Variants in PIKFYVE observed in about 807,000 individuals in gnomAD.
The protein encoded by PIKFYVE is phosphoinositide kinase, FYVE-type zinc finger containing, also known as 1-phosphatidylinositol 3-phosphate 5-kinase.
In PIKFYVE, 122 loss-of-function variants were observed where a neutral mutation model predicts 257.9. The ratio of observed to expected loss-of-function variants is 0.47; its 90% CI spans 0.41 to 0.55. PIKFYVE has a LOEUF of 0.55. Ranked by LOEUF, PIKFYVE falls within the 20% of genes least tolerant of loss-of-function variation. The pLI is 0.00. For missense variants in PIKFYVE, 2,160 were observed against 2,536.6 expected (o/e 0.85, Z 3.19); for synonymous variants, 892 against 868.9 (o/e 1.03, Z -0.47).
chr2:208,304,458 T>C (rs1185154836), intron 11 of PIKFYVE, 140 bp downstream of exon 11: 2 of 1,160,320 alleles, frequency 1.7e-6, no homozygotes, highest in Non-Finnish European at 2.5e-6. Flanking sequence ...TAGCAGTCTT[T>C]GTCTTAGATA....
intron 5 of PIKFYVE, 101 bp downstream of exon 5, chr2:208,277,809 T>C: frequency 7.7e-7 from 1 of 1,292,548 alleles, no homozygotes; most frequent in South Asian, 1.2e-5. Context: ...TTGGGTTTTA[T>C]GTGTAAGACA....
At chr2:208,339,684 G>A in intron 30 of PIKFYVE, 129 bp downstream of exon 30, 1 of 1,279,194 alleles carries the variant, frequency 7.8e-7, no homozygotes. Context: ...TTCATGCCTT[G>A]CTTTCTGTTT....
chr2:208,282,324 A>G (rs1838796), intron 5 of PIKFYVE, among the ~76,000 whole-genome samples: 146,219 of 152,324 alleles, frequency 0.96, 70,332 homozygotes, highest in East Asian at 1. Context: ...CTTACCCTTA[A>G]GATTCTGTTG....
In PIKFYVE at chr2:208,314,487, A is replaced by G. The variant is rs1020467625; in HGVS notation, c.1826+64A>G. 20 of 1,508,332 alleles carry G rather than the reference A, an allele frequency of 1.3e-5. No individual in the cohort carries two copies. In the Admixed American group the frequency reaches 2.7e-4, roughly 20 times the overall value. The allele number at this position is 1,508,332 out of a possible 1,614,324, so 93.4% of individuals were successfully genotyped here. A position where few individuals can be genotyped will look rare whatever the true frequency, so the allele number is the denominator to read the frequency against. ...TATTATCTTCAGTGACTTGATAAGCATATGCATCATTCCTCTTAAAAAGGG... is the reference window on the plus strand; with the variant it reads ...TATTATCTTCAGTGACTTGATAAGCGTATGCATCATTCCTCTTAAAAAGGG... On this transcript the variant is annotated intron_variant, in intron 14 of 41. Transcript: ENST00000264380.
chr2:208,314,514 G>GGTCTTT, intron 14 of PIKFYVE, 91 bp downstream of exon 14: 1 of 1,389,390 alleles, frequency 7.2e-7, no homozygotes. Flanking sequence ...TAAAAAGGGA[G>GGTCTTT]GTCTTTTTCT....
At chr2:208,342,853 G>A (rs919504853) in intron 32 of PIKFYVE, among the ~76,000 whole-genome samples, 3 of 142,226 alleles carry the variant, frequency 2.1e-5, no homozygotes, top group African/African-American at 7.7e-5. Flanking sequence ...GGAGTGCAGT[G>A]GTGCAATCTC....
At chr2:208,347,809 C>A (rs1221204534) in intron 34 of PIKFYVE, 50 bp from the exon 35 acceptor site, 1 of 1,498,308 alleles carries the variant, frequency 6.7e-7, no homozygotes, top group Non-Finnish European at 9.1e-7. Context: ...TTTTATTTTT[C>A]ATCTGTAGTG....
chr2:208,275,304 C>G (rs1689959323), intron 3 of PIKFYVE, among the ~76,000 whole-genome samples: 1 of 152,200 alleles, frequency 6.6e-6, no homozygotes. Flanking sequence ...CTCTTGGTTC[C>G]AAGAAGGGTC....
At chr2:208,286,257 T>A (rs574622486) in intron 6 of PIKFYVE, among the ~76,000 whole-genome samples, 30 of 152,350 alleles carry the variant, frequency 2.0e-4, no homozygotes, top group African/African-American at 7.2e-4. Context: ...GATTTTTAAT[T>A]TAATTAATGA....
At chr2:208,304,424 CT>C in intron 11 of PIKFYVE, 106 bp downstream of exon 11, 4 of 1,431,174 alleles carry the variant, frequency 2.8e-6, no homozygotes, top group Middle Eastern at 2.3e-4. Context: ...TAATTTATGG[CT>C]CCAACTAAAT....
chr2:208,320,249 T>TTAACA lies in PIKFYVE; in HGVS notation c.2083-3_2083-2insTAACA. 1 of 1,610,436 alleles carries TTAACA rather than the reference T, an allele frequency of 6.2e-7. No individual in the cohort carries two copies. The highest frequency in any genetic ancestry group is 8.5e-7 in the Non-Finnish European group (1 of 1,177,898). On this transcript the variant is annotated splice_polypyrimidine_tract_variant and splice_region_variant and intron_variant, in intron 16 of 41. Coordinates refer to ENST00000264380, the MANE Select transcript of PIKFYVE (RefSeq NM_015040.4). ...ACTTTAACAAACTGTTCATTTTTTG[T>TTAACA]AGATGAGTTCTTGTATTAAAAACCC... is the stretch of plus-strand genomic sequence containing the variant.
intron 17 of PIKFYVE, among the ~76,000 whole-genome samples, chr2:208,322,716 C>CT (rs1253056552): frequency 4.0e-5 from 6 of 151,420 alleles, no homozygotes; most frequent in African/African-American, 1.5e-4. Flanking sequence ...TTTTATTACA[C>CT]TTTAAGTTCT....
chr2:208,269,599 C>T lies in PIKFYVE; in HGVS notation c.-9-1912C>T, dbSNP rs1213600210. 3 of 280,484 alleles carry T rather than the reference C, an allele frequency of 1.1e-5. No individual in the cohort carries two copies. In the East Asian group the frequency reaches 2.9e-4, roughly 27 times the overall value. The allele number at this position is 280,484 out of a possible 1,614,324, so 17.4% of individuals were successfully genotyped here. A position where few individuals can be genotyped will look rare whatever the true frequency, so the allele number is the denominator to read the frequency against. On this transcript the variant is annotated intron_variant, in intron 1 of 41. Transcript: ENST00000264380. ...CAGGAAAGTCTTGAAGTCCACATGC[C>T]GGGACTTCAGGTCATCACTCTTGGG...
At chr2:208,314,991 T>TA (rs1195645961) in intron 14 of PIKFYVE, among the ~76,000 whole-genome samples, 1 of 152,208 alleles carries the variant, frequency 6.6e-6, no homozygotes, top group Non-Finnish European at 1.5e-5. Context: ...GGGGACTTCT[T>TA]AGTGGAAGAT....
rs1312078541 is a variant in PIKFYVE, at chr2:208,353,816, TTC to T, written c.5845-80_5845-79del. ...TAATGGTAGTGACTATAAGGAGTCT[TTC>T]TGCCTTTTTTATTTACTTACATTAA... On this transcript the variant is annotated intron_variant, in intron 39 of 41. Transcript: ENST00000264380. 10 of 1,513,386 alleles carry T rather than the reference TTC, an allele frequency of 6.6e-6. No individual in the cohort carries two copies. In the African/African-American group the frequency reaches 1.4e-4, roughly 21 times the overall value. The allele number at this position is 1,513,386 out of a possible 1,614,324, so 93.7% of individuals were successfully genotyped here.
intron 5 of PIKFYVE, 30 bp from the exon 6 acceptor site, chr2:208,285,696 C>T (rs778738787): frequency 2.5e-6 from 4 of 1,579,230 alleles, no homozygotes; most frequent in African/African-American, 1.4e-5. Flanking sequence ...CTTCAATTTC[C>T]TTGTTTTTGT....
At chr2:208,291,732 A>G (rs1692341216) in intron 7 of PIKFYVE, among the ~76,000 whole-genome samples, 1 of 151,904 alleles carries the variant, frequency 6.6e-6, no homozygotes, top group African/African-American at 2.4e-5. Flanking sequence ...CTGGCTGGAT[A>G]CTTACTGATT....
At position 208,272,937 on chromosome 2, in the gene PIKFYVE, T is replaced by C. The variant is rs1401916861; in HGVS notation, c.173-647T>C. 5.9e-5 allele frequency among the ~76,000 whole-genome samples: 9 copies of C among 152,340 alleles called. No homozygotes were observed. The South Asian group carries it at 1.9e-3, about 32-fold the overall frequency. ...ACATTTGTTACAATTAATGAACTGT[T>C]ATTGATAGATTATTAACTAAATTAC... On this transcript the variant is annotated intron_variant, in intron 2 of 41. Transcript: ENST00000264380.
At chr2:208,295,731 G>C (rs1254471435) in intron 7 of PIKFYVE, among the ~76,000 whole-genome samples, 3 of 152,150 alleles carry the variant, frequency 2.0e-5, no homozygotes, top group Non-Finnish European at 4.4e-5. Flanking sequence ...TCACATGTTA[G>C]GTTTCTCCAC....
Sources: allele counts gnomAD v4.1 joint callset (sites outside exome capture counted in the v4.1 genomes callset), GRCh38; gene constraint gnomAD v4.1.1; transcripts MANE v1.5; gene names NCBI Gene and HGNC (gene_info 2026-07-23, HGNC 2026-07-21).